The following MEIS2 variants were observed in gnomAD, a reference collection of about 807,000 sequenced individuals.
MEIS2 encodes the protein Meis homeobox 2.
MEIS2 carries 9 observed loss-of-function variants against 58.6 expected under a neutral mutation model. The observed-to-expected ratio is 0.15, with a 90% confidence interval of 0.09 to 0.27. The LOEUF is 0.27. Among genes scored for constraint, MEIS2 ranks in the 10% least tolerant of loss-of-function variants. The pLI is 1.00. For synonymous variants in MEIS2, 221 were observed against 228.4 expected, an observed-to-expected ratio of 0.97 and a Z score of 0.29; for missense variants, 427 against 635.0, an observed-to-expected ratio of 0.67 and a Z score of 3.52.
intron 8 of MEIS2, among the ~76,000 whole-genome samples, chr15:37,005,654 C>T (rs1353602101): frequency 6.6e-6 from 1 of 152,164 alleles, no homozygotes; most frequent in African/African-American, 2.4e-5. Flanking sequence ...CCTCCGGGCT[C>T]AAGAGATCCT....
intron 8 of MEIS2, among the ~76,000 whole-genome samples, chr15:37,006,548 C>T (rs2060930018): frequency 6.6e-6 from 1 of 152,206 alleles, no homozygotes; most frequent in Non-Finnish European, 1.5e-5. Flanking sequence ...CTCCTTCCTT[C>T]ATTACCTATC....
intron 8 of MEIS2, among the ~76,000 whole-genome samples, chr15:36,997,655 G>C (rs539435693): frequency 1.3e-5 from 2 of 150,236 alleles, no homozygotes; most frequent in South Asian, 4.2e-4. Context: ...AATTTTTTTT[G>C]TATTTTTACT....
At chr15:37,053,170 C>T (rs1044441614) in intron 7 of MEIS2, among the ~76,000 whole-genome samples, 3 of 152,184 alleles carry the variant, frequency 2.0e-5, no homozygotes, top group African/African-American at 7.2e-5. Flanking sequence ...AGAGAAGTAA[C>T]ATCTTTGCTG....
Position 36,989,401 on chromosome 15 carries a change from A to G in MEIS2, c.901-39001T>C, listed in dbSNP as rs537614936. On this transcript the variant is annotated intron_variant, in intron 8 of 11. Coordinates refer to ENST00000561208, the MANE Select transcript of MEIS2 (RefSeq NM_170675.5). ...GACAGTATTCGCGTTTGAAAATACAAGAGGTTTAGGTTTGGTGTAGGTTCG... is the reference window on the plus strand; with the variant it reads ...GACAGTATTCGCGTTTGAAAATACAGGAGGTTTAGGTTTGGTGTAGGTTCG... Among the ~76,000 whole-genome samples, 3 of 152,302 alleles carry G rather than the reference A, an allele frequency of 2.0e-5. No homozygotes were observed. In the South Asian group the frequency reaches 6.2e-4, roughly 32 times the overall value.
At chr15:37,002,726 G>A (rs564852488) in intron 8 of MEIS2, among the ~76,000 whole-genome samples, 1 of 152,108 alleles carries the variant, frequency 6.6e-6, no homozygotes, top group South Asian at 2.1e-4. Context: ...TCACATCTTG[G>A]CCCACTTTTT....
At chr15:37,046,128 C>T (rs2062660296) in intron 7 of MEIS2, among the ~76,000 whole-genome samples, 1 of 152,238 alleles carries the variant, frequency 6.6e-6, no homozygotes, top group South Asian at 2.1e-4. Flanking sequence ...CCTCTATTTA[C>T]ACAGGATTTA....
intron 8 of MEIS2, among the ~76,000 whole-genome samples, chr15:36,958,024 A>G (rs1595810064): frequency 6.6e-6 from 1 of 152,198 alleles, no homozygotes; most frequent in Admixed American, 6.5e-5. Flanking sequence ...TGGCAGATGT[A>G]TATTTGGGAG....
chr15:37,044,119 G>C (rs58425536), intron 7 of MEIS2, among the ~76,000 whole-genome samples: 40,139 of 152,040 alleles, frequency 0.26, 5,476 homozygotes, highest in Middle Eastern at 0.42. Flanking sequence ...CCATTCTACA[G>C]ATAAGAAAAC....
chr15:36,954,139 C>T (rs947817356), intron 8 of MEIS2, among the ~76,000 whole-genome samples: 1 of 151,974 alleles, frequency 6.6e-6, no homozygotes, highest in Non-Finnish European at 1.5e-5. Flanking sequence ...TTGGAATTAA[C>T]CTAAATGTCT....
intron 9 of MEIS2, among the ~76,000 whole-genome samples, chr15:36,932,742 CATTG>C (rs938633701): frequency 4.6e-5 from 7 of 152,096 alleles, no homozygotes; most frequent in African/African-American, 1.7e-4. Context: ...GGTTTCATTA[CATTG>C]TCAGAGAAGT....
At chr15:37,050,992 A>C (rs886802740) in intron 7 of MEIS2, 3 of 152,244 alleles carry the variant, frequency 2.0e-5, no homozygotes, top group Non-Finnish European at 4.4e-5. Flanking sequence ...TCTGAACCTC[A>C]GTTTCCTCAT....
At chr15:36,953,672 C>A (rs1157248931) in intron 8 of MEIS2, among the ~76,000 whole-genome samples, 1 of 152,182 alleles carries the variant, frequency 6.6e-6, no homozygotes, top group Non-Finnish European at 1.5e-5. Flanking sequence ...TCACAACAAT[C>A]CTCTAACTTT....
chr15:37,095,270 T>C (rs1039581831), intron 4 of MEIS2, among the ~76,000 whole-genome samples: 2 of 142,876 alleles, frequency 1.4e-5, no homozygotes, highest in East Asian at 4.5e-4. Flanking sequence ...AGGAAATAAC[T>C]CACTTCTCGC....
At chr15:37,069,855 T>A (rs1204335397) in intron 7 of MEIS2, among the ~76,000 whole-genome samples, 1 of 152,094 alleles carries the variant, frequency 6.6e-6, no homozygotes, top group Admixed American at 6.6e-5. Flanking sequence ...TTCCCAGAAA[T>A]TTCCCATGGG....
At chr15:37,010,564 C>T (rs2061111291) in intron 8 of MEIS2, among the ~76,000 whole-genome samples, 1 of 151,904 alleles carries the variant, frequency 6.6e-6, no homozygotes, top group East Asian at 1.9e-4. Context: ...TTTTGGTAGA[C>T]AGAGGGTTTC....
In MEIS2 at chr15:36,935,771, A is replaced by G. The variant is rs571278831; in HGVS notation, c.977+14553T>C. On this transcript the variant is annotated intron_variant, in intron 9 of 11. Transcript: ENST00000561208. ...TTATCTCTAATGCCCTCAGAAAATCATTTTCCCCCTCTGTATCTCAGTTTT... is the reference window on the plus strand; with the variant it reads ...TTATCTCTAATGCCCTCAGAAAATCGTTTTCCCCCTCTGTATCTCAGTTTT... 2.7e-5 allele frequency among the ~76,000 whole-genome samples: 4 copies of G among 150,268 alleles called. No individual in the cohort carries two copies. The East Asian group carries it at 7.8e-4, about 29-fold the overall frequency.
chr15:37,057,017 T>A (rs751911776), intron 7 of MEIS2, among the ~76,000 whole-genome samples: 4 of 152,190 alleles, frequency 2.6e-5, no homozygotes, highest in Non-Finnish European at 5.9e-5. Flanking sequence ...GTTGTACTAA[T>A]GACAAATAGC....
chr15:36,991,342 T>C (rs1595881849), intron 8 of MEIS2, among the ~76,000 whole-genome samples: 1 of 152,296 alleles, frequency 6.6e-6, no homozygotes, highest in Non-Finnish European at 1.5e-5. Context: ...CCACATCTTA[T>C]TCTTTTATCA....
At chr15:37,098,329 G>T in intron 1 of MEIS2, 130 bp from the exon 2 acceptor site, 1 of 1,327,108 alleles carries the variant, frequency 7.5e-7, no homozygotes, top group Non-Finnish European at 9.7e-7. Context: ...ATGAGAGAGA[G>T]GGAGGGAGGT....
Sources: gnomAD v4.1 joint callset for allele counts (sites outside exome capture counted in the v4.1 genomes callset) on GRCh38, gnomAD v4.1.1 for gene constraint, MANE v1.5 for transcripts, NCBI Gene and HGNC (gene_info 2026-07-23, HGNC 2026-07-21) for gene names.